CACNA1I: variants seen among roughly 807,000 people sequenced by gnomAD.
CACNA1I encodes the protein calcium voltage-gated channel subunit alpha1 I.
A neutral mutation model predicts 201.6 loss-of-function variants in CACNA1I; 74 were observed. That is an observed-to-expected ratio of 0.37 (90% CI 0.30 to 0.45). CACNA1I has a LOEUF of 0.45. CACNA1I is among the 20% of genes least tolerant of loss of function. The pLI is 1.00. For missense variants in CACNA1I, 2,346 were observed against 3,138.1 expected (o/e 0.75, Z 6.03); for synonymous variants, 1,431 against 1,345.2 (o/e 1.06, Z -1.40).
chr22:39,666,480 C>A lies in CACNA1I; in HGVS notation c.4104+474C>A, dbSNP rs369644230. On this transcript the variant is annotated intron_variant, in intron 23 of 36. Coordinates refer to ENST00000402142, the MANE Select transcript of CACNA1I (RefSeq NM_021096.4). This position sits in a 1 kb window ranked among gnomAD's most constrained non-coding sequence, Gnocchi z 4.1. Reference sequence around the variant, plus strand: ...GGTGGTACTCTCTCCCCTCACCCACCGCTGCTCTCTGCTCTGTCGGCAGGC... The same window carrying A: ...GGTGGTACTCTCTCCCCTCACCCACAGCTGCTCTCTGCTCTGTCGGCAGGC... Among the ~76,000 whole-genome samples, 2 of 152,200 alleles carry A rather than the reference C, an allele frequency of 1.3e-5. No individual in the cohort carries two copies. Among genetic ancestry groups the A allele is most frequent in the Non-Finnish European group, 2.9e-5 (2 of 68,038 alleles).
In CACNA1I at chr22:39,576,022, G is replaced by A. The variant is rs147672721; in HGVS notation, c.236+5034G>A. Among the ~76,000 whole-genome samples, 180 of 152,180 alleles carry A rather than the reference G, an allele frequency of 1.2e-3. 1 individual carries two copies. The highest frequency in any genetic ancestry group is 3.5e-3 in the African/African-American group (145 of 41,534). On this transcript the variant is annotated intron_variant, in intron 1 of 36. Coordinates refer to ENST00000402142, the MANE Select transcript of CACNA1I (RefSeq NM_021096.4). ...ACTCCTGACCTCAAGTGATCTGCCC[G>A]CCTCGGCCTCCCAAAGTGCTGGGAT...
chr22:39,652,868 G>A (rs914139244), intron 10 of CACNA1I, among the ~76,000 whole-genome samples: 5 of 152,230 alleles, frequency 3.3e-5, no homozygotes, highest in Non-Finnish European at 2.9e-5. Context: ...TTGTGCCACT[G>A]TATTCCAGCC....
At chr22:39,646,268 C>T (rs772443228) in intron 7 of CACNA1I, among the ~76,000 whole-genome samples, 3 of 152,094 alleles carry the variant, frequency 2.0e-5, no homozygotes, top group Non-Finnish European at 2.9e-5. Context: ...CCTGCATCTC[C>T]CCTCCCTTGC....
At chr22:39,608,613 T>C (rs1933290558) in intron 3 of CACNA1I, among the ~76,000 whole-genome samples, 1 of 150,440 alleles carries the variant, frequency 6.6e-6, no homozygotes, top group African/African-American at 2.5e-5. Flanking sequence ...CCGAGGTGGA[T>C]GGATCGCTTG....
In CACNA1I at chr22:39,665,835, T is replaced by TG; in HGVS notation, c.3979-45dup. ...TCGAGAGGCGAGTTCCTCTCTGACTTGCAACCCTCACCTGTGAGAGCACCA... is the reference window on the plus strand; with the variant it reads ...TCGAGAGGCGAGTTCCTCTCTGACTTGGCAACCCTCACCTGTGAGAGCACCA... On this transcript the variant is annotated intron_variant, in intron 22 of 36. Transcript: ENST00000402142. The surrounding 1 kb of genome is among the most constrained non-coding windows in gnomAD (Gnocchi z 5.5). 1 of 1,612,436 alleles carries TG rather than the reference T, an allele frequency of 6.2e-7. No individual in the cohort carries two copies. Among genetic ancestry groups the TG allele is most frequent in the Non-Finnish European group, 8.5e-7 (1 of 1,178,878 alleles).
chr22:39,649,823 A>G lies in CACNA1I; in HGVS notation c.1890A>G (p.Arg630=). The change falls in exon 10 of 37, where the codon CGA becomes CGG. Residue 630 remains arginine, a synonymous_variant. Coordinates refer to ENST00000402142, the MANE Select transcript of CACNA1I (RefSeq NM_021096.4). This position sits in a 1 kb window ranked among gnomAD's most constrained non-coding sequence, Gnocchi z 7.3. ...GCGGGGATGTGTGGCGGGAGACGCG[A>G]GCCAAGCTGCGCGGCATCGTGGACA... ...WLCGDVWRET[R]AKLRGIVDSK... is the part of the protein sequence containing the mutation. 6.2e-7 allele frequency: 1 copy of G among 1,613,100 alleles called. No individual in the cohort carries two copies. The highest frequency in any genetic ancestry group is 8.5e-7 in the Non-Finnish European group (1 of 1,179,630).
chr22:39,679,320 G>T lies in CACNA1I; in HGVS notation c.5269G>T (p.Gly1757Cys). 1 of 1,553,142 alleles carries T rather than the reference G, an allele frequency of 6.4e-7. No individual in the cohort carries two copies. Among genetic ancestry groups the T allele is most frequent in the Non-Finnish European group, 8.7e-7 (1 of 1,148,986 alleles). ...DAELELEMAH[G>C]LGPGPRLPTG... Reference sequence around the variant, plus strand: ...CGAGCTCGAGCTGGAGATGGCCCATGGCCTGGGCCCTGGCCCGAGGCTGCC... The same window carrying T: ...CGAGCTCGAGCTGGAGATGGCCCATTGCCTGGGCCCTGGCCCGAGGCTGCC... The change falls in exon 32 of 37, where the codon GGC becomes TGC. Residue 1757 changes from glycine (G) to cysteine (C), a missense_variant. Physicochemically the swap from Gly to Cys is radical, Grantham distance 159. Around this residue, in one of 13 missense-constraint regions of CACNA1I, gnomAD observed 441 missense variants for 555.6 expected, o/e 0.79. Coordinates refer to ENST00000402142, the MANE Select transcript of CACNA1I (RefSeq NM_021096.4).
At chr22:39,645,026 G>T (rs1410730679) in intron 7 of CACNA1I, among the ~76,000 whole-genome samples, 13 of 151,456 alleles carry the variant, frequency 8.6e-5, no homozygotes, top group Non-Finnish European at 4.4e-5. Flanking sequence ...TGCTCTTGTT[G>T]CCCAGCCTGG....
intron 5 of CACNA1I, among the ~76,000 whole-genome samples, chr22:39,637,976 T>C (rs1934261156): frequency 6.6e-6 from 1 of 152,140 alleles, no homozygotes; most frequent in Admixed American, 6.6e-5. Flanking sequence ...CTCTATCGCC[T>C]AGGCTGGAGT....
intron 4 of CACNA1I, among the ~76,000 whole-genome samples, chr22:39,622,434 G>C (rs1243943026): frequency 6.6e-6 from 1 of 151,842 alleles, no homozygotes; most frequent in African/African-American, 2.4e-5. Flanking sequence ...GCTTGGGGAG[G>C]GAGCTGCAGG....
chr22:39,588,864 G>A (rs1932789922), intron 1 of CACNA1I, among the ~76,000 whole-genome samples: 1 of 152,156 alleles, frequency 6.6e-6, no homozygotes, highest in Admixed American at 6.5e-5. Flanking sequence ...TGTAATTGGA[G>A]TTACGCGTTG....
chr22:39,662,429 C>T lies in CACNA1I; in HGVS notation c.3366C>T (p.Ile1122=), dbSNP rs1935054616. 2 of 1,443,336 alleles carry T rather than the reference C, an allele frequency of 1.4e-6. No homozygotes were observed. The highest frequency in any genetic ancestry group is 1.5e-5 in the African/African-American group (1 of 66,962). 89.4% of individuals were successfully genotyped at this position (1,443,336 alleles called of 1,614,324 possible). Residue 1122 remains isoleucine, a synonymous_variant, in exon 17 of 37, where the codon ATC becomes ATT. Transcript: ENST00000402142. ...ATCGCGGGGAGGATGAGGAGGAAAT[C>T]GACTACGTGAGTGGGGGCGGGGCCG... The part of the protein sequence containing the change: ...RGDRGEDEEE[I]DYTLCFRVRK...
At chr22:39,639,531 C>T (rs1485212655) in intron 5 of CACNA1I, among the ~76,000 whole-genome samples, 2 of 152,248 alleles carry the variant, frequency 1.3e-5, no homozygotes, top group East Asian at 3.9e-4. Context: ...TATAATATAT[C>T]TTACTTAATC....
chr22:39,677,418 G>A lies in CACNA1I; in HGVS notation c.4932G>A (p.Leu1644=). 3 of 1,569,412 alleles carry A rather than the reference G, an allele frequency of 1.9e-6. No homozygotes were observed. The highest frequency in any genetic ancestry group is 2.6e-6 in the Non-Finnish European group (3 of 1,159,268). Residue 1644 remains leucine, a splice_region_variant and synonymous_variant, in exon 30 of 37, where the codon CTG becomes CTA. Transcript: ENST00000402142. The surrounding 1 kb of genome is among the most constrained non-coding windows in gnomAD (Gnocchi z 4.8). ...TCGGGGTGGAGCTCTTTGGGAAGCT[G>A]GGTGAGTGACTCCCAGAGCAGGCCC... is the stretch of plus-strand genomic sequence containing the variant. The part of the protein sequence containing the change: ...AALGVELFGK[L]VCNDENPCEG...
At chr22:39,592,860 C>T (rs1455276089) in intron 1 of CACNA1I, among the ~76,000 whole-genome samples, 1 of 152,224 alleles carries the variant, frequency 6.6e-6, no homozygotes, top group Non-Finnish European at 1.5e-5. Context: ...TTGACTCCCC[C>T]CGCCACCCTC....
intron 18 of CACNA1I, 41 bp downstream of exon 18, chr22:39,662,917 T>G: frequency 7.7e-7 from 1 of 1,301,320 alleles, no homozygotes; most frequent in South Asian, 1.3e-5. Flanking sequence ...AGAGTAGGGG[T>G]AACGTGGGAG....
chr22:39,647,732 T>C, intron 8 of CACNA1I, 90 bp from the exon 9 acceptor site: 1 of 933,730 alleles, frequency 1.1e-6, no homozygotes, highest in South Asian at 1.4e-5. Flanking sequence ...GCTTTTAGGC[T>C]TGGAAGGGGC....
At chr22:39,625,680 A>G (rs375428865) in intron 4 of CACNA1I, among the ~76,000 whole-genome samples, 1 of 152,140 alleles carries the variant, frequency 6.6e-6, no homozygotes, top group Admixed American at 6.5e-5. Flanking sequence ...AAAGAGAGGA[A>G]GACAGCAGAG....
At chr22:39,617,372 G>T (rs1381260119) in intron 3 of CACNA1I, among the ~76,000 whole-genome samples, 1 of 152,198 alleles carries the variant, frequency 6.6e-6, no homozygotes, top group Non-Finnish European at 1.5e-5. Flanking sequence ...CATGAACTGA[G>T]CCTGAGGGGG....
Sources: gnomAD v4.1 joint callset for allele counts (sites outside exome capture counted in the v4.1 genomes callset) on GRCh38, gnomAD v4.1.1 for gene constraint, gnomAD v4.1.1 regional missense constraint, Gnocchi (gnomAD v3.1) non-coding constraint, MANE v1.5 for transcripts, NCBI Gene and HGNC (gene_info 2026-07-23, HGNC 2026-07-21) for gene names.